Variants in IFT80 observed in about 807,000 individuals in gnomAD.
IFT80 encodes intraflagellar transport protein 80 homolog.
Under a neutral mutation model 107.9 loss-of-function variants are expected in IFT80, and 79 were observed. That is an observed-to-expected ratio of 0.73 (90% confidence interval 0.61 to 0.88). IFT80 has a LOEUF of 0.88. IFT80 is among the 40% of genes least tolerant of loss of function. The probability of loss-of-function intolerance (pLI) is 0.00; values close to 1 mark genes in which losing one functional copy is unlikely to be tolerated. For missense variants in IFT80, 797 were observed against 914.2 expected, an observed-to-expected ratio of 0.87 and a Z score of 1.65; for synonymous variants, 299 against 300.9, an observed-to-expected ratio of 0.99 and a Z score of 0.07.
chr3:160,279,246 A>G lies in IFT80; in HGVS notation c.1783T>C (p.Tyr595His). 6.2e-7 allele frequency: 1 copy of G among 1,613,756 alleles called. No individual in the cohort carries two copies. Among genetic ancestry groups the G allele is most frequent in the African/African-American group, 1.3e-5 (1 of 75,042 alleles). Residue 595 changes from tyrosine (Y) to histidine (H), a missense_variant, in exon 16 of 20, where the codon TAT (tyrosine) becomes CAT (histidine). Physicochemically the swap from Tyr to His is moderately conservative, Grantham distance 83 (BLOSUM62 2). Transcript: ENST00000326448. ...ITPYPAILHE[Y>H]VSSSKWEDAV... ...TCTTCCCATTTTGAACTGCTTACAT[A>G]TTCATGGAGAATAGCAGGATATGGT...
At chr3:160,358,008 T>C (rs985377562) in intron 6 of IFT80, among the ~76,000 whole-genome samples, 3 of 151,980 alleles carry the variant, frequency 2.0e-5, no homozygotes, top group African/African-American at 7.2e-5. Flanking sequence ...ATTTATTTTA[T>C]TTATTTATTT....
At chr3:160,305,010 T>G (rs1446918590) in intron 10 of IFT80, among the ~76,000 whole-genome samples, 2 of 152,186 alleles carry the variant, frequency 1.3e-5, no homozygotes, top group Admixed American at 1.3e-4. Context: ...ATTGAATAAA[T>G]GGATTAATAA....
At chr3:160,396,188 G>T (rs1713763498) in intron 1 of IFT80, among the ~76,000 whole-genome samples, 1 of 151,888 alleles carries the variant, frequency 6.6e-6, no homozygotes, top group African/African-American at 2.4e-5. Flanking sequence ...AGCTTCCTGG[G>T]TTTTCGGTGA....
intron 12 of IFT80, among the ~76,000 whole-genome samples, chr3:160,296,069 T>C (rs1259334852): frequency 6.6e-6 from 1 of 152,206 alleles, no homozygotes; most frequent in Non-Finnish European, 1.5e-5. Context: ...TCCAGGTATC[T>C]GCTGTCTAAC....
intron 1 of IFT80, among the ~76,000 whole-genome samples, chr3:160,392,336 T>C (rs924159205): frequency 6.6e-6 from 1 of 152,232 alleles, no homozygotes; most frequent in African/African-American, 2.4e-5. Flanking sequence ...ATTCACCATA[T>C]AGTGACAACT....
At chr3:160,336,785 T>G (rs1172760033) in intron 8 of IFT80, among the ~76,000 whole-genome samples, 1 of 152,060 alleles carries the variant, frequency 6.6e-6, no homozygotes, top group Non-Finnish European at 1.5e-5. Flanking sequence ...CTGTTCTATT[T>G]GCTCTCTCTC....
intron 12 of IFT80, 47 bp from the exon 13 acceptor site, chr3:160,285,915 T>C: frequency 5.2e-6 from 7 of 1,338,778 alleles, no homozygotes; most frequent in Non-Finnish European, 7.5e-6. Context: ...TTAGAATTTT[T>C]ACTGGTAAAA....
chr3:160,381,388 G>A (rs556772976), intron 3 of IFT80, 115 bp downstream of exon 3: 1 of 786,288 alleles, frequency 1.3e-6, no homozygotes, highest in Non-Finnish European at 2.2e-6. Context: ...ACAATATGTG[G>A]ATAAAAATAT....
intron 1 of IFT80, among the ~76,000 whole-genome samples, chr3:160,397,101 T>C (rs993916003): frequency 6.6e-6 from 1 of 152,254 alleles, no homozygotes; most frequent in African/African-American, 2.4e-5. Context: ...AAGAATAGTA[T>C]ATGACTGACT....
chr3:160,260,365 A>T (rs576570668), intron 19 of IFT80, among the ~76,000 whole-genome samples: 9 of 152,180 alleles, frequency 5.9e-5, no homozygotes, highest in Non-Finnish European at 1.2e-4. Flanking sequence ...CTAACAAAAC[A>T]CTTATAGAGA....
intron 1 of IFT80, among the ~76,000 whole-genome samples, chr3:160,389,938 G>C (rs1713238496): frequency 1.3e-5 from 2 of 152,148 alleles, no homozygotes. Flanking sequence ...CTAGTTTACA[G>C]TCCCACCAAC....
At chr3:160,308,437 G>A (rs1393517462) in intron 9 of IFT80, among the ~76,000 whole-genome samples, 2 of 152,032 alleles carry the variant, frequency 1.3e-5, no homozygotes, top group Non-Finnish European at 2.9e-5. Context: ...TTTAATATTT[G>A]GCAGTTTTGG....
At chr3:160,365,763 G>A (rs1340651555) in intron 6 of IFT80, among the ~76,000 whole-genome samples, 2 of 152,078 alleles carry the variant, frequency 1.3e-5, no homozygotes, top group African/African-American at 4.8e-5. Flanking sequence ...GTATAGGTAA[G>A]TGAGTGAAGA....
intron 8 of IFT80, among the ~76,000 whole-genome samples, chr3:160,341,505 T>C (rs1343798385): frequency 6.6e-6 from 1 of 152,070 alleles, no homozygotes; most frequent in African/African-American, 2.4e-5. Flanking sequence ...ATTACCAAAA[T>C]AGGTGCACCT....
rs1021050476 is a variant in IFT80 at position 160,257,953 on chromosome 3, A to C, written c.*572T>G. 6.5e-6 allele frequency: 1 copy of C among 154,076 alleles called. No individual in the cohort carries two copies. The highest frequency in any genetic ancestry group is 2.4e-5 in the African/African-American group (1 of 41,478). 9.5% of individuals were successfully genotyped at this position (154,076 alleles called of 1,614,324 possible). A position where few individuals can be genotyped will look rare whatever the true frequency, so the allele number is the denominator to read the frequency against. ...ATTTCATTCCTTTTTAAAGCTAAATAATATTCCATTGTATGTATTATAGCA... is the reference window on the plus strand; with the variant it reads ...ATTTCATTCCTTTTTAAAGCTAAATCATATTCCATTGTATGTATTATAGCA... On this transcript the variant is annotated 3_prime_UTR_variant, in exon 20 of 20. Transcript: ENST00000326448.
At chr3:160,295,707 T>C (rs546964186) in intron 12 of IFT80, among the ~76,000 whole-genome samples, 1 of 152,336 alleles carries the variant, frequency 6.6e-6, no homozygotes, top group East Asian at 1.9e-4. Flanking sequence ...CCATGTTCAT[T>C]GCAGCACTGA....
chr3:160,307,123 A>T (rs941524824), intron 10 of IFT80, among the ~76,000 whole-genome samples: 14 of 152,160 alleles, frequency 9.2e-5, no homozygotes, highest in African/African-American at 3.4e-4. Context: ...ATTTTCAAGA[A>T]TTTTGTAAGC....
At chr3:160,271,701 T>C (rs1713821072) in intron 18 of IFT80, among the ~76,000 whole-genome samples, 1 of 152,118 alleles carries the variant, frequency 6.6e-6, no homozygotes. Flanking sequence ...ACAAAATCTG[T>C]TCCCTTCTAG....
At chr3:160,396,307 C>A in intron 1 of IFT80, among the ~76,000 whole-genome samples, 1 of 151,704 alleles carries the variant, frequency 6.6e-6, no homozygotes, top group East Asian at 1.9e-4. Context: ...TAATCTTGAA[C>A]AATATTCTCT....
Sources: allele counts gnomAD v4.1 joint callset (sites outside exome capture counted in the v4.1 genomes callset), GRCh38; gene constraint gnomAD v4.1.1; transcripts MANE v1.5; gene names NCBI Gene and HGNC (gene_info 2026-07-23, HGNC 2026-07-21).